Variants in RAB3GAP2 observed in about 807,000 individuals in gnomAD.
RAB3GAP2 encodes the protein RAB3 GTPase activating non-catalytic protein subunit 2.
In RAB3GAP2, 87 loss-of-function variants were observed where a neutral mutation model predicts 185.3. The observed-to-expected ratio is 0.47, with a 90% CI of 0.39 to 0.56. The LOEUF (loss-of-function observed/expected upper bound fraction) is 0.56. RAB3GAP2 is among the 20% of genes least tolerant of loss of function. The probability of loss-of-function intolerance (pLI) is 0.00; values close to 1 mark genes in which losing one functional copy is unlikely to be tolerated. For missense variants in RAB3GAP2, 1,492 were observed against 1,638.2 expected (o/e 0.91, Z 1.54); for synonymous variants, 554 against 576.1 (o/e 0.96, Z 0.55).
intron 1 of RAB3GAP2, among the ~76,000 whole-genome samples, chr1:220,258,363 A>G (rs1660073481): frequency 6.6e-6 from 1 of 152,238 alleles, no homozygotes; most frequent in South Asian, 2.1e-4. Context: ...TGAATCCAGC[A>G]TCACCTCAAA....
At chr1:220,176,413 C>T (rs774334234) in intron 21 of RAB3GAP2, among the ~76,000 whole-genome samples, 30 of 152,150 alleles carry the variant, frequency 2.0e-4, no homozygotes, top group African/African-American at 7.0e-4. Context: ...ATCTGTCCCC[C>T]TGAACTGACT....
chr1:220,160,524 G>A (rs1363574594), intron 28 of RAB3GAP2, among the ~76,000 whole-genome samples: 1 of 152,178 alleles, frequency 6.6e-6, no homozygotes, highest in Non-Finnish European at 1.5e-5. Flanking sequence ...ACATGTGCCA[G>A]ACCCTGTGCT....
intron 15 of RAB3GAP2, 106 bp from the exon 16 acceptor site, chr1:220,190,252 T>C (rs1658589994): frequency 6.6e-7 from 1 of 1,510,608 alleles, no homozygotes; most frequent in African/African-American, 1.4e-5. Context: ...TATTTAACTT[T>C]AAAGATATCA....
intron 1 of RAB3GAP2, among the ~76,000 whole-genome samples, chr1:220,251,628 T>G (rs1186465524): frequency 6.6e-6 from 1 of 152,228 alleles, no homozygotes; most frequent in Non-Finnish European, 1.5e-5. Context: ...CTGATCATAT[T>G]ATGATAATAA....
chr1:220,206,241 C>T (rs1658963977), intron 7 of RAB3GAP2, among the ~76,000 whole-genome samples: 1 of 152,056 alleles, frequency 6.6e-6, no homozygotes. Flanking sequence ...CTCAAAGATG[C>T]TGAGAGTAAA....
At chr1:220,181,842 G>C (rs192231506) in intron 21 of RAB3GAP2, among the ~76,000 whole-genome samples, 81 of 152,070 alleles carry the variant, frequency 5.3e-4, no homozygotes, top group Middle Eastern at 6.8e-3. Flanking sequence ...TTCAGGCCAG[G>C]AGTTTGAGAC....
intron 1 of RAB3GAP2, among the ~76,000 whole-genome samples, chr1:220,238,678 T>TGCCTCGG (rs1275596341): frequency 1.3e-5 from 2 of 152,216 alleles, no homozygotes; most frequent in Non-Finnish European, 2.9e-5. Flanking sequence ...ATTAACTAAA[T>TGCCTCGG]GCCTCCTAAG....
At position 220,254,630 on chromosome 1, in the gene RAB3GAP2, T is replaced by C. The variant is rs1571931540; in HGVS notation, c.115+17593A>G. Reference sequence around the variant, plus strand: ...TTGTACAAACAATGTGCTTTGAAGATGTTAGTGTATAACAATTGATGTTTG... The same window carrying C: ...TTGTACAAACAATGTGCTTTGAAGACGTTAGTGTATAACAATTGATGTTTG... On this transcript the variant is annotated intron_variant, in intron 1 of 34. Transcript: ENST00000358951. 6.2e-6 allele frequency: 6 copies of C among 970,580 alleles called. No homozygotes were observed. The Admixed American group carries it at 1.2e-4, about 19-fold the overall frequency. The allele number at this position is 970,580 out of a possible 1,614,324, so 60.1% of individuals were successfully genotyped here.
intron 1 of RAB3GAP2, among the ~76,000 whole-genome samples, chr1:220,269,139 G>A (rs952575797): frequency 6.6e-6 from 1 of 152,174 alleles, no homozygotes; most frequent in African/African-American, 2.4e-5. Flanking sequence ...GTCAGAAAAG[G>A]CTGCCCTGAG....
intron 31 of RAB3GAP2, among the ~76,000 whole-genome samples, chr1:220,155,911 C>T (rs111270007): frequency 2.6e-5 from 4 of 151,856 alleles, no homozygotes; most frequent in South Asian, 2.1e-4. Flanking sequence ...GTACTCTTAT[C>T]GCTTATATTC....
At chr1:220,179,331 G>C (rs1055081925) in intron 21 of RAB3GAP2, among the ~76,000 whole-genome samples, 11 of 149,236 alleles carry the variant, frequency 7.4e-5, no homozygotes, top group Non-Finnish European at 1.2e-4. Context: ...TCTAACAATA[G>C]TAAGTATATA....
intron 1 of RAB3GAP2, among the ~76,000 whole-genome samples, chr1:220,250,900 G>A (rs1222641303): frequency 6.6e-6 from 1 of 152,184 alleles, no homozygotes; most frequent in East Asian, 1.9e-4. Context: ...GCCTCCTCAG[G>A]CATGCTGAAG....
intron 4 of RAB3GAP2, among the ~76,000 whole-genome samples, chr1:220,211,911 A>G (rs1353720351): frequency 6.6e-6 from 1 of 152,248 alleles, no homozygotes; most frequent in Non-Finnish European, 1.5e-5. Flanking sequence ...TTGATGATAG[A>G]GAATATTTCA....
At chr1:220,211,071 G>A in intron 4 of RAB3GAP2, 69 bp from the exon 5 acceptor site, 1 of 1,404,726 alleles carries the variant, frequency 7.1e-7, no homozygotes. Flanking sequence ...CTCTATAATT[G>A]GATGTTAAAG....
chr1:220,250,781 G>A (rs1659917814), intron 1 of RAB3GAP2, among the ~76,000 whole-genome samples: 1 of 152,158 alleles, frequency 6.6e-6, no homozygotes, highest in Non-Finnish European at 1.5e-5. Context: ...AGAACTGATG[G>A]TTTTATAAGG....
chr1:220,178,975 A>G (rs1031758890), intron 21 of RAB3GAP2, among the ~76,000 whole-genome samples: 36 of 152,184 alleles, frequency 2.4e-4, no homozygotes, highest in African/African-American at 8.2e-4. Context: ...ATAAAAGTGT[A>G]TACTGCATAC....
Position 220,157,262 on chromosome 1 carries a change from G to A in RAB3GAP2, c.3555+8C>T, listed in dbSNP as rs1298047633. ...CAAAATAGCTCTGAAATCCTGTGAGGTACTTACCTTACTGTCAAAAAGTGA... is the reference window on the plus strand; with the variant it reads ...CAAAATAGCTCTGAAATCCTGTGAGATACTTACCTTACTGTCAAAAAGTGA... On this transcript the variant is annotated splice_region_variant and intron_variant, in intron 31 of 34. Coordinates refer to ENST00000358951, the MANE Select transcript of RAB3GAP2 (RefSeq NM_012414.4). The A allele has an allele frequency of 8.1e-6, 13 of 1,608,396 alleles. No homozygotes were observed. The highest frequency in any genetic ancestry group is 2.2e-5 in the South Asian group (2 of 90,870).
intron 21 of RAB3GAP2, among the ~76,000 whole-genome samples, chr1:220,175,977 A>T (rs1390836389): frequency 6.6e-6 from 1 of 152,194 alleles, no homozygotes; most frequent in African/African-American, 2.4e-5. Flanking sequence ...ATAATCATAT[A>T]ATTGTAGAAT....
intron 1 of RAB3GAP2, chr1:220,266,762 G>T (rs939188752): frequency 5.5e-5 from 87 of 1,590,490 alleles, no homozygotes; most frequent in Admixed American, 2.0e-4. Flanking sequence ...TGATGAATTT[G>T]CTGTGATCCA....
Sources: gnomAD v4.1 joint callset for allele counts (sites outside exome capture counted in the v4.1 genomes callset) on GRCh38, gnomAD v4.1.1 for gene constraint, MANE v1.5 for transcripts, NCBI Gene and HGNC (gene_info 2026-07-23, HGNC 2026-07-21) for gene names.